The following ABCA13 variants were observed in gnomAD, a reference collection of about 807,000 sequenced individuals.
The protein encoded by ABCA13 is ATP binding cassette subfamily A member 13.
ABCA13 carries 476 observed loss-of-function variants against 478.7 expected under a neutral mutation model. The observed-to-expected ratio is 0.99, with a 90% CI of 0.92 to 1.07. ABCA13 has a LOEUF of 1.07. ABCA13 is among the 50% of genes least tolerant of loss of function. ABCA13 has a pLI of 0.00. For missense variants in ABCA13, 6,060 were observed against 5,910.6 expected (o/e 1.03, Z -0.83); for synonymous variants, 2,252 against 2,158.9 (o/e 1.04, Z -1.20).
intron 38 of ABCA13, among the ~76,000 whole-genome samples, chr7:48,400,293 G>T (rs1167222770): frequency 6.6e-6 from 1 of 152,216 alleles, no homozygotes; most frequent in African/African-American, 2.4e-5. Context: ...GCAGGTGGCA[G>T]GTGCCAGGCA....
intron 37 of ABCA13, among the ~76,000 whole-genome samples, chr7:48,390,402 A>G (rs986722794): frequency 2.2e-4 from 34 of 152,194 alleles, no homozygotes; most frequent in Non-Finnish European, 4.7e-4. Context: ...ACTTCTAGGG[A>G]ATGTGTATAA....
intron 20 of ABCA13, among the ~76,000 whole-genome samples, chr7:48,288,917 T>C (rs1798132682): frequency 1.3e-5 from 2 of 152,190 alleles, no homozygotes; most frequent in South Asian, 2.1e-4. Context: ...CCTGACAAGC[T>C]TGGACAATGG....
rs1351429996 is a variant in ABCA13, at chr7:48,278,900, TTG to T, written c.7709_7710del (p.Val2570GlufsTer15). Reference sequence around the variant, plus strand: ...ATCATGCAACAAAGTGTTCAAAATCTTGTGAAAGAAATAGCTACTTTAAAAAA... The same window carrying T: ...ATCATGCAACAAAGTGTTCAAAATCTTGAAAGAAATAGCTACTTTAAAAAA... On this transcript the variant is annotated frameshift_variant, in exon 18 of 62. Transcript: ENST00000435803. LOFTEE classifies it high-confidence loss of function. 2 of 1,613,350 alleles carry T rather than the reference TTG, an allele frequency of 1.2e-6. No homozygotes were observed. The highest frequency in any genetic ancestry group is 1.7e-6 in the Non-Finnish European group (2 of 1,179,858).
At chr7:48,352,917 A>G (rs11772384) in intron 31 of ABCA13, among the ~76,000 whole-genome samples, 28,989 of 151,918 alleles carry the variant, frequency 0.19, 3,249 homozygotes, top group Middle Eastern at 0.29. Context: ...GGCCTTGACC[A>G]TGGCTTGGGT....
At chr7:48,215,957 T>C (rs987222801) in intron 3 of ABCA13, among the ~76,000 whole-genome samples, 10 of 152,226 alleles carry the variant, frequency 6.6e-5, no homozygotes, top group African/African-American at 2.4e-4. Context: ...TTAAAATTGA[T>C]GATCAACTAA....
At position 48,511,119 on chromosome 7, in the gene ABCA13, C is replaced by T. The variant is rs749623721; in HGVS notation, c.13560C>T (p.Ala4520=). Residue 4520 remains alanine (A), a synonymous_variant, in exon 51 of 62, where the codon GCC becomes GCT. Coordinates refer to ENST00000435803, the MANE Select transcript of ABCA13 (RefSeq NM_152701.5). ...FYLVSVCLCV[A]VIVAFQLTAF... Reference sequence around the variant, plus strand: ...TGGTTTCCGTCTGCCTGTGTGTTGCCGTTATTGTCGCCTTCCAGTTAACAG... The same window carrying T: ...TGGTTTCCGTCTGCCTGTGTGTTGCTGTTATTGTCGCCTTCCAGTTAACAG... The T allele has an allele frequency of 4.3e-6, 7 of 1,613,516 alleles. No individual in the cohort carries two copies. The highest frequency in any genetic ancestry group is 4.0e-5 in the African/African-American group (3 of 74,980).
At chr7:48,625,079 G>C (rs1432439809) in intron 59 of ABCA13, among the ~76,000 whole-genome samples, 1 of 152,188 alleles carries the variant, frequency 6.6e-6, no homozygotes, top group East Asian at 1.9e-4. Flanking sequence ...TAGTGTAGAA[G>C]GGTTTGTTTG....
At chr7:48,615,015 C>A (rs1303158793) in intron 58 of ABCA13, among the ~76,000 whole-genome samples, 2 of 148,972 alleles carry the variant, frequency 1.3e-5, no homozygotes, top group Non-Finnish European at 3.0e-5. Flanking sequence ...TGCACATGTA[C>A]CCTAAAACTT....
intron 42 of ABCA13, among the ~76,000 whole-genome samples, chr7:48,452,676 C>A (rs1457434805): frequency 6.6e-6 from 1 of 152,212 alleles, no homozygotes; most frequent in East Asian, 1.9e-4. Context: ...ATGTCAAAAG[C>A]TGCTACGTAA....
At chr7:48,301,644 G>A (rs1170074698) in intron 23 of ABCA13, among the ~76,000 whole-genome samples, 1 of 152,050 alleles carries the variant, frequency 6.6e-6, no homozygotes, top group Non-Finnish European at 1.5e-5. Flanking sequence ...CATGTGCAGA[G>A]TCTCATTCTA....
chr7:48,412,747 C>A (rs1030222769), intron 41 of ABCA13, among the ~76,000 whole-genome samples, 164 bp downstream of exon 41: 6 of 146,296 alleles, frequency 4.1e-5, no homozygotes, highest in Non-Finnish European at 3.0e-5. Context: ...ATGCCAATAA[C>A]TGAACTTAAC....
intron 18 of ABCA13, among the ~76,000 whole-genome samples, 185 bp downstream of exon 18, chr7:48,280,105 A>T (rs1204206533): frequency 6.6e-6 from 1 of 152,212 alleles, no homozygotes; most frequent in Non-Finnish European, 1.5e-5. Flanking sequence ...AATTCGACTC[A>T]TTATTTGGCA....
intron 42 of ABCA13, among the ~76,000 whole-genome samples, chr7:48,438,139 A>G (rs1167198107): frequency 6.6e-6 from 1 of 152,012 alleles, no homozygotes; most frequent in Admixed American, 6.6e-5. Flanking sequence ...TCCTTTGGGC[A>G]CTCTACAACC....
chr7:48,349,564 C>A (rs1808620521), intron 29 of ABCA13, among the ~76,000 whole-genome samples: 1 of 152,190 alleles, frequency 6.6e-6, no homozygotes, highest in Non-Finnish European at 1.5e-5. Flanking sequence ...CCCAACACCC[C>A]TTTCAAACAT....
intron 1 of ABCA13, among the ~76,000 whole-genome samples, chr7:48,171,920 A>G (rs892765140): frequency 1.3e-5 from 2 of 152,266 alleles, no homozygotes; most frequent in Non-Finnish European, 2.9e-5. Flanking sequence ...CATTTAATGC[A>G]TAAGCAGAAT....
intron 55 of ABCA13, among the ~76,000 whole-genome samples, chr7:48,546,779 A>T (rs1027974864): frequency 1.3e-5 from 2 of 151,754 alleles, no homozygotes; most frequent in African/African-American, 4.8e-5. Flanking sequence ...ATTTATGTAT[A>T]AATTACTGTG....
chr7:48,408,619 A>T (rs141902451), intron 39 of ABCA13, among the ~76,000 whole-genome samples: 1 of 151,966 alleles, frequency 6.6e-6, no homozygotes, highest in African/African-American at 2.4e-5. Flanking sequence ...TGTCTCCTCT[A>T]TTATTGTTAT....
Position 48,246,954 on chromosome 7 carries a change from G to A in ABCA13, c.1659+924G>A, listed in dbSNP as rs530000810. 2.6e-5 allele frequency among the ~76,000 whole-genome samples: 4 copies of A among 152,186 alleles called. No individual in the cohort carries two copies. The South Asian group carries it at 8.3e-4, about 32-fold the overall frequency. ...GCAGGCAGAAAATTATATGTGAAGG[G>A]CTGGGCATAGTAGCTCATGCCTGTA... On this transcript the variant is annotated intron_variant, in intron 13 of 61. Coordinates refer to ENST00000435803, the MANE Select transcript of ABCA13 (RefSeq NM_152701.5).
At chr7:48,297,527 G>A (rs1445524281) in intron 22 of ABCA13, among the ~76,000 whole-genome samples, 1 of 152,194 alleles carries the variant, frequency 6.6e-6, no homozygotes, top group Non-Finnish European at 1.5e-5. Flanking sequence ...AGAAGCTTCT[G>A]TGGTCTGGAT....
Sources: gnomAD v4.1 joint callset for allele counts (sites outside exome capture counted in the v4.1 genomes callset) on GRCh38, gnomAD v4.1.1 for gene constraint, MANE v1.5 for transcripts, NCBI Gene and HGNC (gene_info 2026-07-23, HGNC 2026-07-21) for gene names.